The following FOXN1 variants were observed in gnomAD, a reference collection of about 807,000 sequenced individuals.
FOXN1 encodes forkhead box protein N1.
A neutral mutation model predicts 49.0 loss-of-function variants in FOXN1; 15 were observed. The observed-to-expected ratio is 0.31, with a 90% CI of 0.20 to 0.47. The LOEUF (loss-of-function observed/expected upper bound fraction) is 0.47. Ranked by LOEUF, FOXN1 falls within the 20% of genes least tolerant of loss-of-function variation. The probability of loss-of-function intolerance (pLI) is 1.00; values close to 1 mark genes in which losing one functional copy is unlikely to be tolerated. For synonymous variants in FOXN1, 356 were observed against 369.0 expected, an observed-to-expected ratio of 0.96 and a Z score of 0.40; for missense variants, 800 against 842.8, an observed-to-expected ratio of 0.95 and a Z score of 0.63.
chr17:28,527,816 A>ATTAG (rs2069808738), intron 4 of FOXN1, among the ~76,000 whole-genome samples: 1 of 152,182 alleles, frequency 6.6e-6, no homozygotes, highest in Non-Finnish European at 1.5e-5. Flanking sequence ...AAGGGTGGGC[A>ATTAG]CCCAGTGTGG....
In FOXN1 at chr17:28,534,543, G is replaced by C. The variant is rs779158182; in HGVS notation, c.1135+5G>C. 6.2e-6 allele frequency: 10 copies of C among 1,612,700 alleles called. No individual in the cohort carries two copies. The Admixed American group carries it at 1.7e-4, about 27-fold the overall frequency. ...GCAAAAGCATGGCCAAGCCAGGTGA[G>C]GCCGGCCGGGCCACGCAAGGAAGGG... On this transcript the variant is annotated splice_donor_5th_base_variant and intron_variant, in intron 7 of 8. Transcript: ENST00000579795. This position sits in a 1 kb window ranked among gnomAD's most constrained non-coding sequence, Gnocchi z 4.1.
chr17:28,511,561 A>G (rs1050706049), intron 1 of FOXN1, among the ~76,000 whole-genome samples: 1 of 152,100 alleles, frequency 6.6e-6, no homozygotes, highest in Non-Finnish European at 1.5e-5. Context: ...CTGGGACCCC[A>G]GGGGAGGAGG....
chr17:28,512,979 C>G (rs2069424346), intron 1 of FOXN1, among the ~76,000 whole-genome samples: 1 of 152,194 alleles, frequency 6.6e-6, no homozygotes, highest in Non-Finnish European at 1.5e-5. Context: ...AGGTATGTCT[C>G]AGAAAGGAAT....
In FOXN1 at chr17:28,524,756, A is replaced by ACAAG. The variant is rs756535565; in HGVS notation, c.379_382dup (p.Arg128GlnfsTer6). ...GGCAGCCACGCGCCCTTCCACCCGT[A>ACAAG]CAAGCGGCCTTTCCATGAGGACGTC... On this transcript the variant is annotated frameshift_variant, in exon 3 of 9. Coordinates refer to ENST00000579795, the MANE Select transcript of FOXN1 (RefSeq NM_001369369.1). LOFTEE classifies it high-confidence loss of function. The ACAAG allele has an allele frequency of 6.2e-7, 1 of 1,613,204 alleles. No individual in the cohort carries two copies. The highest frequency in any genetic ancestry group is 8.5e-7 in the Non-Finnish European group (1 of 1,179,784).
chr17:28,527,047 G>T (rs1251587530), intron 3 of FOXN1, among the ~76,000 whole-genome samples: 2 of 144,208 alleles, frequency 1.4e-5, no homozygotes. Flanking sequence ...CGTAGGGACT[G>T]CTGTCAGTTC....
intron 1 of FOXN1, among the ~76,000 whole-genome samples, chr17:28,516,412 G>A (rs1316206901): frequency 6.6e-6 from 1 of 150,510 alleles, no homozygotes; most frequent in African/African-American, 2.5e-5. Flanking sequence ...TACCATCACG[G>A]GGTACATGCC....
chr17:28,526,085 G>GTTT (rs1438235555), intron 3 of FOXN1, among the ~76,000 whole-genome samples: 2 of 152,288 alleles, frequency 1.3e-5, no homozygotes, highest in East Asian at 3.9e-4. Flanking sequence ...CTTGCCCAGG[G>GTTT]TGTCTCCTAA....
intron 1 of FOXN1, among the ~76,000 whole-genome samples, chr17:28,520,232 G>A (rs1261121057): frequency 6.6e-6 from 1 of 152,156 alleles, no homozygotes; most frequent in Non-Finnish European, 1.5e-5. Context: ...GAAGGGTCAG[G>A]GCCAAGGCAG....
chr17:28,512,971 G>C (rs577428179), intron 1 of FOXN1, among the ~76,000 whole-genome samples: 6 of 152,184 alleles, frequency 3.9e-5, no homozygotes, highest in Admixed American at 2.6e-4. Flanking sequence ...GTCCTAGTAG[G>C]TATGTCTCAG....
In FOXN1 at chr17:28,527,261, T is replaced by G. The variant is rs1297363497; in HGVS notation, c.599T>G (p.Val200Gly). Reference sequence around the variant, plus strand: ...TTTCTCTTCCAGCAGGGTTCAGAGGTCAAAGTCAAGCCCCCAGTTCTGGAG... The same window carrying G: ...TTTCTCTTCCAGCAGGGTTCAGAGGGCAAAGTCAAGCCCCCAGTTCTGGAG... ...EHGPQVLGSE[V>G]KVKPPVLESG... Residue 200 changes from valine (V) to glycine (G), a missense_variant, in exon 4 of 9, where the codon GTC becomes GGC. By Grantham distance (109) the Val-to-Gly change is moderately radical. Coordinates refer to ENST00000579795, the MANE Select transcript of FOXN1 (RefSeq NM_001369369.1). 2 of 1,612,416 alleles carry G rather than the reference T, an allele frequency of 1.2e-6. No individual in the cohort carries two copies. Among genetic ancestry groups the G allele is most frequent in the Admixed American group, 3.3e-5 (2 of 60,014 alleles).
At chr17:28,530,291 G>A (rs145895840) in intron 5 of FOXN1, among the ~76,000 whole-genome samples, 84 of 152,328 alleles carry the variant, frequency 5.5e-4, no homozygotes, top group African/African-American at 1.6e-3. Flanking sequence ...TGTAGGTACT[G>A]TGCTTGGTAC....
intron 6 of FOXN1, among the ~76,000 whole-genome samples, chr17:28,532,918 C>A (rs932075019): frequency 2.6e-5 from 4 of 152,222 alleles, no homozygotes; most frequent in African/African-American, 9.6e-5. Flanking sequence ...GGCAACGTGG[C>A]CTTAACTCCT....
At chr17:28,523,159 C>T (rs1005213466) in intron 1 of FOXN1, among the ~76,000 whole-genome samples, 2 of 152,328 alleles carry the variant, frequency 1.3e-5, no homozygotes, top group Admixed American at 6.5e-5. Context: ...AAAAGCCCTC[C>T]GATATCATGT....
At chr17:28,512,058 C>T (rs183558814) in intron 1 of FOXN1, among the ~76,000 whole-genome samples, 2 of 152,148 alleles carry the variant, frequency 1.3e-5, no homozygotes, top group Non-Finnish European at 2.9e-5. Flanking sequence ...GCCACAGGGA[C>T]CCAGAGCTAA....
chr17:28,523,138 G>T (rs1489360035), intron 1 of FOXN1, among the ~76,000 whole-genome samples: 2 of 152,230 alleles, frequency 1.3e-5, no homozygotes, highest in Non-Finnish European at 2.9e-5. Context: ...ATTGCAGAAG[G>T]TCTGAGCAGA....
intron 1 of FOXN1, among the ~76,000 whole-genome samples, chr17:28,522,641 C>T (rs771812971): frequency 7.3e-5 from 11 of 151,708 alleles, no homozygotes; most frequent in Admixed American, 1.3e-4. Context: ...AGGGAGACTC[C>T]GTCTCCAAAA....
At chr17:28,526,080 C>T (rs2069760089) in intron 3 of FOXN1, among the ~76,000 whole-genome samples, 3 of 152,172 alleles carry the variant, frequency 2.0e-5, no homozygotes, top group African/African-American at 7.2e-5. Context: ...AGTGACTTGC[C>T]CAGGGTGTCT....
chr17:28,524,188 C>G (rs1386353949), intron 2 of FOXN1, 96 bp downstream of exon 2: 6 of 1,314,674 alleles, frequency 4.6e-6, no homozygotes, highest in Non-Finnish European at 6.3e-6. Context: ...AGGGACCTCC[C>G]AGGGCCTGTC....
intron 1 of FOXN1, among the ~76,000 whole-genome samples, chr17:28,511,734 G>A (rs940445443): frequency 7.2e-5 from 11 of 152,248 alleles, no homozygotes; most frequent in Middle Eastern, 3.4e-3. Flanking sequence ...AGCCCACACC[G>A]AGAGCAGAGC....
Sources: gnomAD v4.1 joint callset for allele counts (sites outside exome capture counted in the v4.1 genomes callset) on GRCh38, gnomAD v4.1.1 for gene constraint, Gnocchi (gnomAD v3.1) non-coding constraint, MANE v1.5 for transcripts, NCBI Gene and HGNC (gene_info 2026-07-23, HGNC 2026-07-21) for gene names.